The following MAPK10 variants were observed in gnomAD, a reference collection of about 807,000 sequenced individuals.
MAPK10 encodes JNK3 alpha protein kinase.
MAPK10 carries 25 observed loss-of-function variants against 59.3 expected under a neutral mutation model. That is an observed-to-expected ratio of 0.42 (90% CI 0.31 to 0.59). The LOEUF (loss-of-function observed/expected upper bound fraction) is 0.59. Ranked by LOEUF, MAPK10 falls within the 20% of genes least tolerant of loss-of-function variation. The pLI, the probability that MAPK10 is intolerant of heterozygous loss-of-function variation, is 0.15. For missense variants in MAPK10, 351 were observed against 568.9 expected, an observed-to-expected ratio of 0.62 and a Z score of 3.90; for synonymous variants, 190 against 200.5, an observed-to-expected ratio of 0.95 and a Z score of 0.44.
chr4:86,583,946 A>G (rs577577786), intron 1 of MAPK10, among the ~76,000 whole-genome samples: 25 of 152,284 alleles, frequency 1.6e-4, no homozygotes, highest in Non-Finnish European at 2.9e-4. Context: ...TGATTTCTCA[A>G]AGAAAGGGCT....
Position 86,145,361 on chromosome 4 carries a change from CAAAAAAAAAA to C in MAPK10, c.236+13927_236+13936del, listed in dbSNP as rs1166418131. 2.9e-4 allele frequency among the ~76,000 whole-genome samples: 16 copies of C among 55,340 alleles called. 2 individuals carry two copies. Among genetic ancestry groups the C allele is most frequent in the Non-Finnish European group, 4.5e-4 (12 of 26,954 alleles). 36.3% of individuals were successfully genotyped at this position (55,340 alleles called of 152,430 possible). A position where few individuals can be genotyped will look rare whatever the true frequency, so the allele number is the denominator to read the frequency against. ...TGGGCTACAGAGCGAGACACCGTCT[CAAAAAAAAAA>C]AAAAAAAAAAAAAATTTCTATCTCT... is the stretch of plus-strand genomic sequence containing the variant. On this transcript the variant is annotated intron_variant, in intron 4 of 13. Transcript: ENST00000641462.
chr4:86,088,741 T>A (rs2052475372), intron 9 of MAPK10, among the ~76,000 whole-genome samples: 1 of 152,182 alleles, frequency 6.6e-6, no homozygotes, highest in Non-Finnish European at 1.5e-5. Context: ...GCTCTCTGAA[T>A]ATATGTTAAA....
At chr4:86,537,433 A>G (rs1277926645) in intron 1 of MAPK10, among the ~76,000 whole-genome samples, 1 of 152,204 alleles carries the variant, frequency 6.6e-6, no homozygotes, top group Non-Finnish European at 1.5e-5. Flanking sequence ...AATAGTAATA[A>G]TTGCACCCAG....
chr4:86,071,648 G>T (rs1336795905), intron 9 of MAPK10, among the ~76,000 whole-genome samples: 1 of 151,058 alleles, frequency 6.6e-6, no homozygotes, highest in Non-Finnish European at 1.5e-5. Flanking sequence ...ATTAAATAGG[G>T]AATCCTTTCC....
intron 1 of MAPK10, 71 bp downstream of exon 1, chr4:86,359,587 G>C (rs1487971456): frequency 1.4e-6 from 1 of 703,614 alleles, no homozygotes; most frequent in East Asian, 1.3e-4. Flanking sequence ...GCCCCACCAG[G>C]AGCAATCAAT....
intron 9 of MAPK10, chr4:86,080,290 G>A (rs960342059): frequency 6.6e-6 from 1 of 151,024 alleles, no homozygotes; most frequent in Admixed American, 6.6e-5. Flanking sequence ...TCGTAGTAGA[G>A]AAACAGCAGA....
intron 4 of MAPK10, among the ~76,000 whole-genome samples, chr4:86,155,843 A>G (rs116695872): frequency 0.055 from 8,337 of 152,062 alleles, 321 homozygotes; most frequent in Non-Finnish European, 0.088. Flanking sequence ...TGTATTTTGG[A>G]GCCGTTATTA....
chr4:86,490,528 A>G (rs1322090632), intron 1 of MAPK10, among the ~76,000 whole-genome samples: 2 of 152,208 alleles, frequency 1.3e-5, no homozygotes, highest in Non-Finnish European at 2.9e-5. Context: ...CTTTTACAAA[A>G]TTTAAAGAAA....
intron 1 of MAPK10, among the ~76,000 whole-genome samples, chr4:86,510,872 A>G (rs1756177538): frequency 6.6e-6 from 1 of 152,206 alleles, no homozygotes; most frequent in South Asian, 2.1e-4. Flanking sequence ...TGGTTACCAG[A>G]GGCTAGGAAG....
At chr4:86,571,519 T>C (rs1761453751) in intron 1 of MAPK10, among the ~76,000 whole-genome samples, 1 of 151,942 alleles carries the variant, frequency 6.6e-6, no homozygotes, top group African/African-American at 2.4e-5. Context: ...CTGTCAAAAA[T>C]AGGTTAAAAA....
chr4:86,136,640 C>A (rs555393360), intron 4 of MAPK10, among the ~76,000 whole-genome samples: 30 of 150,312 alleles, frequency 2.0e-4, no homozygotes, highest in Middle Eastern at 3.4e-3. Context: ...CGAGCAAAAT[C>A]ACCAGCTAAC....
intron 3 of MAPK10, among the ~76,000 whole-genome samples, chr4:86,161,946 A>G (rs2069843635): frequency 6.6e-6 from 1 of 152,002 alleles, no homozygotes; most frequent in African/African-American, 2.4e-5. Context: ...CCAACATTTC[A>G]ATGTATATTC....
At chr4:86,413,479 T>C (rs1460686626) in intron 1 of MAPK10, among the ~76,000 whole-genome samples, 1 of 152,214 alleles carries the variant, frequency 6.6e-6, no homozygotes, top group African/African-American at 2.4e-5. Flanking sequence ...CAGAAATTTC[T>C]GCTGCCTTTT....
At chr4:86,219,131 T>C (rs2088746505) in intron 2 of MAPK10, among the ~76,000 whole-genome samples, 1 of 152,188 alleles carries the variant, frequency 6.6e-6, no homozygotes, top group African/African-American at 2.4e-5. Context: ...TTTGTCTCCA[T>C]AGTTTTCTTT....
intron 1 of MAPK10, among the ~76,000 whole-genome samples, chr4:86,479,210 C>T (rs188485340): frequency 5.3e-4 from 81 of 152,208 alleles, no homozygotes; most frequent in Non-Finnish European, 9.9e-4. Flanking sequence ...AGGGACCGGC[C>T]TTTATTAGTC....
intron 2 of MAPK10, among the ~76,000 whole-genome samples, chr4:86,204,648 A>G (rs1193894224): frequency 6.6e-6 from 1 of 152,048 alleles, no homozygotes; most frequent in East Asian, 1.9e-4. Flanking sequence ...TTGTAAATCC[A>G]GCCATGTTTA....
intron 9 of MAPK10, among the ~76,000 whole-genome samples, chr4:86,092,333 T>G (rs1399518585): frequency 6.6e-6 from 1 of 152,092 alleles, no homozygotes; most frequent in African/African-American, 2.4e-5. Flanking sequence ...CTAAGCCTTG[T>G]GCCTAGAAAT....
chr4:86,507,959 C>A (rs1316284776), intron 1 of MAPK10, among the ~76,000 whole-genome samples: 1 of 151,754 alleles, frequency 6.6e-6, no homozygotes, highest in Admixed American at 6.6e-5. Flanking sequence ...ATCTACCCAG[C>A]AATTGTCTGT....
chr4:86,130,901 T>C (rs28552906), intron 4 of MAPK10, among the ~76,000 whole-genome samples: 21,625 of 152,144 alleles, frequency 0.14, 1,640 homozygotes, highest in Admixed American at 0.17. Context: ...GAAGAGACCA[T>C]ACAATCTGAA....
Sources: gnomAD v4.1 joint callset for allele counts (sites outside exome capture counted in the v4.1 genomes callset) on GRCh38, gnomAD v4.1.1 for gene constraint, MANE v1.5 for transcripts, NCBI Gene and HGNC (gene_info 2026-07-23, HGNC 2026-07-21) for gene names.